EEPD1: variants seen among roughly 807,000 people sequenced by gnomAD.
EEPD1 encodes the protein endonuclease/exonuclease/phosphatase family domain-containing protein 1.
A neutral mutation model predicts 46.3 loss-of-function variants in EEPD1; 17 were observed. That is an observed-to-expected ratio of 0.37 (90% CI 0.25 to 0.55). The LOEUF is 0.55. Ranked by LOEUF, EEPD1 falls within the 20% of genes least tolerant of loss-of-function variation. EEPD1 has a pLI of 0.83. For missense variants in EEPD1, 673 were observed against 745.6 expected, an observed-to-expected ratio of 0.90 and a Z score of 1.13; for synonymous variants, 313 against 315.6, an observed-to-expected ratio of 0.99 and a Z score of 0.09.
intron 2 of EEPD1, among the ~76,000 whole-genome samples, chr7:36,171,474 C>T (rs1785079914): frequency 6.6e-6 from 1 of 152,106 alleles, no homozygotes; most frequent in Admixed American, 6.5e-5. Flanking sequence ...GAGATCAAAG[C>T]CCTTGGAATT....
intron 2 of EEPD1, among the ~76,000 whole-genome samples, chr7:36,232,288 T>G (rs1005719800): frequency 6.6e-6 from 1 of 151,186 alleles, no homozygotes; most frequent in Non-Finnish European, 1.5e-5. Flanking sequence ...CACTGCAACC[T>G]CCGCCTCCCA....
chr7:36,234,442 G>C (rs944975894), intron 2 of EEPD1, among the ~76,000 whole-genome samples: 2 of 152,140 alleles, frequency 1.3e-5, no homozygotes, highest in African/African-American at 4.8e-5. Flanking sequence ...GAAGCTGAGG[G>C]AGGCGAATCG....
intron 6 of EEPD1, among the ~76,000 whole-genome samples, chr7:36,292,974 G>C (rs1787471270): frequency 9.7e-6 from 1 of 102,980 alleles, no homozygotes; most frequent in Non-Finnish European, 2.1e-5. Flanking sequence ...TTGTTGGTTT[G>C]TTACACCTAA....
chr7:36,226,064 AT>A (rs1177082514), intron 2 of EEPD1, among the ~76,000 whole-genome samples: 1 of 152,358 alleles, frequency 6.6e-6, no homozygotes, highest in East Asian at 1.9e-4. Flanking sequence ...ACAAATGCAA[AT>A]GTCAAAAATT....
rs768898390 is a variant in EEPD1 at position 36,272,503 on chromosome 7, G to GTTTTTTTTTTT, written c.931-8610_931-8609insTTTTTTTTTTT. ...TGCAAGGTTTTTCTGGTTTTTTGTT[G>GTTTTTTTTTTT]TTGTTTTTTTTTTTTTTTTGTGCTC... On this transcript the variant is annotated intron_variant, in intron 3 of 7. Coordinates refer to ENST00000242108, the MANE Select transcript of EEPD1 (RefSeq NM_030636.3). Among the ~76,000 whole-genome samples the GTTTTTTTTTTT allele has an allele frequency of 9.0e-5, 11 of 122,652 alleles. 1 individual carries two copies. The highest frequency in any genetic ancestry group is 1.2e-4 in the Non-Finnish European group (7 of 58,944). The allele number at this position is 122,652 out of a possible 152,430, so 80.5% of individuals were successfully genotyped here. A position where few individuals can be genotyped will look rare whatever the true frequency, so the allele number is the denominator to read the frequency against.
In EEPD1 at chr7:36,170,430, T is replaced by A. The variant is rs146354337; in HGVS notation, c.878+15228T>A. 3.0e-3 allele frequency among the ~76,000 whole-genome samples: 452 copies of A among 148,928 alleles called. 4 individuals carry two copies. Among genetic ancestry groups the A allele is most frequent in the African/African-American group, 0.011 (429 of 40,536 alleles). ...TCTCAAAAAAAAAAAGTATATATTT[T>A]GTATATATAAAATGTTTATTTCCTG... On this transcript the variant is annotated intron_variant, in intron 2 of 7. Coordinates refer to ENST00000242108, the MANE Select transcript of EEPD1 (RefSeq NM_030636.3).
chr7:36,226,986 T>G (rs1377713131), intron 2 of EEPD1, among the ~76,000 whole-genome samples: 2 of 152,132 alleles, frequency 1.3e-5, no homozygotes, highest in Non-Finnish European at 2.9e-5. Flanking sequence ...CTAGTGCTAA[T>G]TTTTCAGGAA....
In EEPD1 at chr7:36,188,511, G is replaced by A. The variant is rs543017329; in HGVS notation, c.878+33309G>A. Among the ~76,000 whole-genome samples the A allele has an allele frequency of 7.9e-5, 12 of 152,266 alleles. No homozygotes were observed. In the East Asian group the frequency reaches 2.3e-3, roughly 29 times the overall value. ...CAGGAGGCAGCTGGCTGGAGCCAGC[G>A]GCGCTGTGACCAACGGAGATACACA... On this transcript the variant is annotated intron_variant, in intron 2 of 7. Transcript: ENST00000242108.
chr7:36,257,977 C>T (rs1786853583), intron 3 of EEPD1, among the ~76,000 whole-genome samples: 1 of 152,174 alleles, frequency 6.6e-6, no homozygotes, highest in South Asian at 2.1e-4. Flanking sequence ...TACCTTTGGT[C>T]TTTGATGGTG....
At chr7:36,229,954 GA>G (rs146215006) in intron 2 of EEPD1, among the ~76,000 whole-genome samples, 56,918 of 151,592 alleles carry the variant, frequency 0.38, 11,693 homozygotes, top group Non-Finnish European at 0.46. Flanking sequence ...AGGACTTGCT[GA>G]GGTACAGCCA....
rs377121296 is a variant in EEPD1 at position 36,297,620 on chromosome 7, T to C, written c.1510+433T>C. On this transcript the variant is annotated intron_variant, in intron 7 of 7. Coordinates refer to ENST00000242108, the MANE Select transcript of EEPD1 (RefSeq NM_030636.3). ...ATAACGTTACTTTTAGGACACTTAG[T>C]CTTCTAGCAAACATTTGTCAAACAT... 1.4e-4 allele frequency among the ~76,000 whole-genome samples: 22 copies of C among 152,330 alleles called. No individual in the cohort carries two copies. The East Asian group carries it at 4.1e-3, about 28-fold the overall frequency.
At chr7:36,230,905 G>C (rs1786313926) in intron 2 of EEPD1, 1 of 152,170 alleles carries the variant, frequency 6.6e-6, no homozygotes, top group South Asian at 2.1e-4. Context: ...ATATTGCTGT[G>C]TCTCATGGAC....
chr7:36,219,804 AGAGTGTGTGTGTGTGT>A (rs1166493287), intron 2 of EEPD1, among the ~76,000 whole-genome samples: 2 of 87,662 alleles, frequency 2.3e-5, no homozygotes, highest in South Asian at 4.6e-4. Flanking sequence ...AGAGAGAGAG[AGAGTGTGTGTGTGTGT>A]GTGTGTGTGT....
At chr7:36,157,490 T>C (rs907542704) in intron 2 of EEPD1, among the ~76,000 whole-genome samples, 1 of 152,198 alleles carries the variant, frequency 6.6e-6, no homozygotes, top group Admixed American at 6.5e-5. Context: ...TCTTTGGGTT[T>C]CCTAGAGAGA....
chr7:36,209,933 G>A (rs973837417), intron 2 of EEPD1, among the ~76,000 whole-genome samples: 3 of 152,256 alleles, frequency 2.0e-5, no homozygotes, highest in East Asian at 1.9e-4. Flanking sequence ...CAGGCACCTC[G>A]TGCTGGTTGG....
intron 3 of EEPD1, among the ~76,000 whole-genome samples, chr7:36,250,478 C>T (rs562785451): frequency 2.6e-4 from 39 of 152,268 alleles, no homozygotes; most frequent in African/African-American, 9.1e-4. Flanking sequence ...TATGGCCAGT[C>T]TGCAGGTGAA....
At chr7:36,298,271 C>T (rs1254265109) in intron 7 of EEPD1, among the ~76,000 whole-genome samples, 2 of 152,194 alleles carry the variant, frequency 1.3e-5, no homozygotes, top group Non-Finnish European at 2.9e-5. Flanking sequence ...GCTGAGCCAA[C>T]AGGGCTGGAA....
chr7:36,189,640 G>A (rs1024253699), intron 2 of EEPD1, among the ~76,000 whole-genome samples: 1 of 152,128 alleles, frequency 6.6e-6, no homozygotes, highest in East Asian at 1.9e-4. Flanking sequence ...ATAGAAGAAA[G>A]TACATGGCCC....
intron 3 of EEPD1, among the ~76,000 whole-genome samples, chr7:36,251,705 GTC>G (rs1267454253): frequency 6.6e-6 from 1 of 152,244 alleles, no homozygotes; most frequent in African/African-American, 2.4e-5. Context: ...CCTGGCCCCT[GTC>G]CCAGTTCATC....
Sources: gnomAD v4.1 joint callset for allele counts (sites outside exome capture counted in the v4.1 genomes callset) on GRCh38, gnomAD v4.1.1 for gene constraint, MANE v1.5 for transcripts, NCBI Gene and HGNC (gene_info 2026-07-23, HGNC 2026-07-21) for gene names.